Variants in SLC9A9 observed in about 807,000 individuals in gnomAD.
The protein encoded by SLC9A9 is sodium/hydrogen exchanger 9.
A neutral mutation model predicts 77.8 loss-of-function variants in SLC9A9; 62 were observed. The observed-to-expected ratio is 0.80, with a 90% CI of 0.65 to 0.98. The LOEUF (loss-of-function observed/expected upper bound fraction) is 0.98. Ranked by LOEUF, SLC9A9 falls within the 50% of genes least tolerant of loss-of-function variation. SLC9A9 has a pLI of 0.00. For synonymous variants in SLC9A9, 320 were observed against 283.5 expected (o/e 1.13, Z -1.29); for missense variants, 775 against 774.9 (o/e 1.00, Z 0.00).
At chr3:143,571,098 C>T (rs984624588) in intron 8 of SLC9A9, among the ~76,000 whole-genome samples, 11 of 152,076 alleles carry the variant, frequency 7.2e-5, no homozygotes, top group African/African-American at 2.4e-4. Context: ...GCTCACTAGA[C>T]GGATGTTCTT....
At chr3:143,475,125 A>ATTT (rs35148633) in intron 11 of SLC9A9, among the ~76,000 whole-genome samples, 4 of 134,680 alleles carry the variant, frequency 3.0e-5, no homozygotes, top group Non-Finnish European at 3.2e-5. Flanking sequence ...CACCTGGCTC[A>ATTT]TTTTTTTTTT....
intron 12 of SLC9A9, among the ~76,000 whole-genome samples, chr3:143,416,071 G>A (rs1025788654): frequency 3.3e-5 from 5 of 152,098 alleles, no homozygotes; most frequent in African/African-American, 4.8e-5. Flanking sequence ...AATAACAAGA[G>A]AACTAGAATT....
rs542042129 is a variant in SLC9A9, at chr3:143,821,900, T to TG, written c.378+10118dup. Among the ~76,000 whole-genome samples the TG allele has an allele frequency of 2.4e-3, 365 of 152,324 alleles. 1 individual carries two copies. Among genetic ancestry groups the TG allele is most frequent in the African/African-American group, 7.9e-3 (327 of 41,566 alleles). On this transcript the variant is annotated intron_variant, in intron 2 of 15. Transcript: ENST00000316549. ...AATCTAGACAAAGCTTCCCAGCCTA[T>TG]GCGGGGGTCAGTGTGCCCGGCACTG...
At chr3:143,734,400 C>T (rs759203487) in intron 4 of SLC9A9, among the ~76,000 whole-genome samples, 26 of 151,974 alleles carry the variant, frequency 1.7e-4, no homozygotes, top group Non-Finnish European at 3.2e-4. Flanking sequence ...AAAAGAAATA[C>T]ATAAAAACCC....
At chr3:143,578,478 G>A in intron 7 of SLC9A9, 107 bp downstream of exon 7, 1 of 1,548,228 alleles carries the variant, frequency 6.5e-7, no homozygotes. Context: ...ACTTGGACCA[G>A]ACTATCTAGC....
intron 4 of SLC9A9, among the ~76,000 whole-genome samples, chr3:143,770,253 G>A (rs2108839327): frequency 6.6e-6 from 1 of 152,010 alleles, no homozygotes; most frequent in East Asian, 1.9e-4. Context: ...TTGGAAAAAA[G>A]GAAGAGAAAA....
At chr3:143,513,242 C>G (rs1463789261) in intron 9 of SLC9A9, among the ~76,000 whole-genome samples, 1 of 152,138 alleles carries the variant, frequency 6.6e-6, no homozygotes, top group Non-Finnish European at 1.5e-5. Context: ...CTTTATCAAC[C>G]AAGTTTATGT....
At chr3:143,602,378 A>G (rs2037859398) in intron 6 of SLC9A9, among the ~76,000 whole-genome samples, 1 of 152,152 alleles carries the variant, frequency 6.6e-6, no homozygotes, top group African/African-American at 2.4e-5. Flanking sequence ...GATCTGGGTG[A>G]ACGTCCACCT....
chr3:143,483,415 A>T (rs949805652), intron 11 of SLC9A9, among the ~76,000 whole-genome samples: 2 of 152,172 alleles, frequency 1.3e-5, no homozygotes, highest in Non-Finnish European at 2.9e-5. Context: ...TTCAATGCTC[A>T]CTAAAGGCCT....
chr3:143,417,511 A>G, intron 12 of SLC9A9, among the ~76,000 whole-genome samples: 2 of 138,478 alleles, frequency 1.4e-5, no homozygotes, highest in Non-Finnish European at 1.6e-5. Context: ...GAGGAGGGGG[A>G]GAAAGGGATG....
intron 11 of SLC9A9, among the ~76,000 whole-genome samples, chr3:143,473,076 G>A (rs1011249295): frequency 2.6e-5 from 4 of 151,412 alleles, no homozygotes; most frequent in Non-Finnish European, 4.4e-5. Flanking sequence ...AGTCACTCAC[G>A]CCAGCATCCC....
intron 12 of SLC9A9, among the ~76,000 whole-genome samples, chr3:143,421,697 A>G (rs559160871): frequency 6.6e-6 from 1 of 152,338 alleles, no homozygotes; most frequent in East Asian, 1.9e-4. Context: ...AGAATTTATG[A>G]CTAAGCCCTT....
At chr3:143,699,340 A>G (rs370500603) in intron 4 of SLC9A9, among the ~76,000 whole-genome samples, 1 of 149,172 alleles carries the variant, frequency 6.7e-6, no homozygotes, top group Non-Finnish European at 1.5e-5. Context: ...ACAAAAAAAA[A>G]GCAACTTAAT....
chr3:143,551,283 A>G (rs2036878244), intron 9 of SLC9A9, among the ~76,000 whole-genome samples: 1 of 152,218 alleles, frequency 6.6e-6, no homozygotes, highest in Non-Finnish European at 1.5e-5. Flanking sequence ...TCTGGCCTCC[A>G]GAACTCCAAG....
At chr3:143,676,034 A>C (rs1189113172) in intron 5 of SLC9A9, among the ~76,000 whole-genome samples, 1 of 152,060 alleles carries the variant, frequency 6.6e-6, no homozygotes, top group East Asian at 1.9e-4. Flanking sequence ...TTCGGAATGA[A>C]ACTTCCACCT....
chr3:143,795,394 C>T (rs1340648119), intron 3 of SLC9A9, among the ~76,000 whole-genome samples: 2 of 151,910 alleles, frequency 1.3e-5, no homozygotes, highest in East Asian at 1.9e-4. Flanking sequence ...ATGTCTATGC[C>T]AGAATCGGGG....
chr3:143,510,617 A>G (rs967296740), intron 9 of SLC9A9, among the ~76,000 whole-genome samples: 9 of 152,282 alleles, frequency 5.9e-5, no homozygotes, highest in African/African-American at 2.2e-4. Context: ...TACCCGCTTC[A>G]TATTACTAAC....
chr3:143,362,321 T>C (rs1458134045), intron 14 of SLC9A9, among the ~76,000 whole-genome samples: 1 of 152,208 alleles, frequency 6.6e-6, no homozygotes, highest in Non-Finnish European at 1.5e-5. Flanking sequence ...ACCCTCTATC[T>C]TCCACATCAC....
At chr3:143,839,837 A>G (rs759938592) in intron 1 of SLC9A9, among the ~76,000 whole-genome samples, 1 of 152,212 alleles carries the variant, frequency 6.6e-6, no homozygotes, top group African/African-American at 2.4e-5. Flanking sequence ...CTTACTTTGT[A>G]ATGTTTATAC....
Sources: allele counts gnomAD v4.1 joint callset (sites outside exome capture counted in the v4.1 genomes callset), GRCh38; gene constraint gnomAD v4.1.1; transcripts MANE v1.5; gene names NCBI Gene and HGNC (gene_info 2026-07-23, HGNC 2026-07-21).